Variants in ZNF726 observed in about 807,000 individuals in gnomAD.
ZNF726 encodes zinc finger protein 726.
Under a neutral mutation model 11.6 loss-of-function variants are expected in ZNF726, and 15 were observed. That is an observed-to-expected ratio of 1.29 (90% CI 0.86 to 1.99). The LOEUF is 1.99. ZNF726 is among the 30% of genes most tolerant of loss of function. The pLI is 0.00. For synonymous variants in ZNF726, 295 were observed against 243.6 expected, an observed-to-expected ratio of 1.21 and a Z score of -1.96; for missense variants, 890 against 725.6, an observed-to-expected ratio of 1.23 and a Z score of -2.60.
Position 23,934,258 on chromosome 19 carries a change from A to C in ZNF726, c.*291A>C, listed in dbSNP as rs773814443. 2 of 656,424 alleles carry C rather than the reference A, an allele frequency of 3.0e-6. No homozygotes were observed. Among genetic ancestry groups the C allele is most frequent in the Non-Finnish European group, 5.8e-6 (2 of 343,984 alleles). 40.7% of individuals were successfully genotyped at this position (656,424 alleles called of 1,614,324 possible). On this transcript the variant is annotated 3_prime_UTR_variant, in exon 4 of 4. Transcript: ENST00000594466. ...AAATGTGGCAAAGCATATGGTCCAC[A>C]CCCCTAAGTAGACATAAGAGGATGC... is the stretch of plus-strand genomic sequence containing the variant.
At chr19:23,920,756 T>A (rs1328424113) in intron 3 of ZNF726, 1 of 151,848 alleles carries the variant, frequency 6.6e-6, no homozygotes, top group East Asian at 1.9e-4. Flanking sequence ...CATTAGGGGT[T>A]TTTTTTTGTT....
intron 3 of ZNF726, chr19:23,928,080 T>C (rs1167332818): frequency 6.6e-6 from 1 of 152,188 alleles, no homozygotes; most frequent in Non-Finnish European, 1.5e-5. Context: ...TTAATTCAAA[T>C]GAAAGCAGGT....
intron 3 of ZNF726, chr19:23,943,380 T>C: frequency 2.4e-6 from 1 of 424,842 alleles, no homozygotes; most frequent in African/African-American, 2.0e-5. Flanking sequence ...CAGAAAACAG[T>C]ATTTTGAAAT....
downstream of ZNF726, chr19:23,934,578 G>T (rs1394932156): frequency 1.2e-5 from 4 of 340,510 alleles, no homozygotes; most frequent in Admixed American, 4.0e-5. Context: ...ATCAAGAAGG[G>T]TGTACAGTGG....
In ZNF726 at chr19:23,932,665, C is replaced by T. The variant is rs1018140032; in HGVS notation, c.549C>T (p.Cys183=). 6.3e-7 allele frequency: 1 copy of T among 1,582,218 alleles called. No individual in the cohort carries two copies. The highest frequency in any genetic ancestry group is 1.4e-5 in the African/African-American group (1 of 73,524). The change falls in exon 4 of 4, where the codon TGC becomes TGT. Residue 183 remains cysteine (C), a synonymous_variant. Transcript: ENST00000594466. The part of the protein sequence containing the change: ...FKCKNCVKSF[C]MFSHKTQHKS... The stretch of plus-strand genomic sequence containing the variant: ...GTAAAAATTGTGTCAAATCATTTTG[C>T]ATGTTTTCACACAAAACCCAGCATA...
intron 3 of ZNF726, among the ~76,000 whole-genome samples, chr19:23,931,069 C>T (rs1020845071): frequency 1.3e-5 from 2 of 152,164 alleles, no homozygotes; most frequent in African/African-American, 4.8e-5. Context: ...CTTCCAGGTT[C>T]AAGCAATTTT....
chr19:23,934,893 A>G (rs994580839), downstream of ZNF726, among the ~76,000 whole-genome samples: 10 of 152,346 alleles, frequency 6.6e-5, no homozygotes, highest in Admixed American at 6.5e-4. Flanking sequence ...TGGCAGGGAA[A>G]AGATACCTGA....
chr19:23,916,070 A>G (rs1967690888), intron 1 of ZNF726, among the ~76,000 whole-genome samples: 1 of 152,140 alleles, frequency 6.6e-6, no homozygotes, highest in Admixed American at 6.5e-5. Context: ...AGCCACCTCA[A>G]TCTAATTTCC....
intron 3 of ZNF726, among the ~76,000 whole-genome samples, chr19:23,942,780 C>T (rs1366984600): frequency 2.6e-5 from 4 of 152,022 alleles, no homozygotes; most frequent in African/African-American, 9.7e-5. Context: ...GAATAGCTAC[C>T]CCTGTTTTCT....
At chr19:23,938,739 C>G (rs1968289371), downstream of ZNF726, among the ~76,000 whole-genome samples, 1 of 151,428 alleles carries the variant, frequency 6.6e-6, no homozygotes, top group Admixed American at 6.6e-5. Flanking sequence ...TCCCAAGTAG[C>G]TGGGATTACA....
intron 3 of ZNF726, chr19:23,928,483 T>C (rs535581448): frequency 4.6e-5 from 7 of 152,292 alleles, no homozygotes; most frequent in Admixed American, 3.3e-4. Flanking sequence ...CCTGATATTG[T>C]ACATACACAT....
chr19:23,937,144 C>A (rs1353272728), downstream of ZNF726, among the ~76,000 whole-genome samples: 2 of 150,124 alleles, frequency 1.3e-5, no homozygotes, highest in South Asian at 4.2e-4. Flanking sequence ...GGGGCTGACC[C>A]CCCCACCTCC....
intron 3 of ZNF726, among the ~76,000 whole-genome samples, chr19:23,930,690 G>C (rs892284986): frequency 6.7e-6 from 1 of 150,260 alleles, no homozygotes; most frequent in African/African-American, 2.5e-5. Flanking sequence ...TAAAATTATT[G>C]TAATTTCAAC....
At chr19:23,931,839 C>G (rs1178110973) in intron 3 of ZNF726, among the ~76,000 whole-genome samples, 1 of 152,142 alleles carries the variant, frequency 6.6e-6, no homozygotes, top group Admixed American at 6.5e-5. Context: ...GAACATTTCT[C>G]TTTGGTCTCA....
chr19:23,941,987 G>T (rs1162327963), intron 3 of ZNF726, among the ~76,000 whole-genome samples: 2 of 151,752 alleles, frequency 1.3e-5, no homozygotes, highest in African/African-American at 2.4e-5. Flanking sequence ...TCTGATCATG[G>T]TTATTTCCTT....
chr19:23,917,759 T>C (rs1005135759), intron 1 of ZNF726, among the ~76,000 whole-genome samples: 7 of 152,236 alleles, frequency 4.6e-5, no homozygotes, highest in African/African-American at 1.7e-4. Flanking sequence ...AGGTATAAAA[T>C]GTAAGCACCT....
At chr19:23,942,297 G>T (rs1462567941) in intron 3 of ZNF726, among the ~76,000 whole-genome samples, 3 of 152,108 alleles carry the variant, frequency 2.0e-5, no homozygotes, top group African/African-American at 7.2e-5. Flanking sequence ...TTGATTTCCA[G>T]TTTTATTCCA....
chr19:23,923,245 A>G (rs1967897673), intron 3 of ZNF726, among the ~76,000 whole-genome samples: 1 of 152,114 alleles, frequency 6.6e-6, no homozygotes, highest in South Asian at 2.1e-4. Context: ...AACTTGGATT[A>G]CAGTAGTTTT....
chr19:23,937,731 C>T (rs1434701380), downstream of ZNF726, among the ~76,000 whole-genome samples: 2 of 152,166 alleles, frequency 1.3e-5, no homozygotes, highest in African/African-American at 2.4e-5. Flanking sequence ...CTCCTCACTT[C>T]CCAGATGGGG....
Sources: allele counts gnomAD v4.1 joint callset (sites outside exome capture counted in the v4.1 genomes callset), GRCh38; gene constraint gnomAD v4.1.1; transcripts MANE v1.5; gene names NCBI Gene and HGNC (gene_info 2026-07-23, HGNC 2026-07-21).